DOP1B: variants seen among roughly 807,000 people sequenced by gnomAD.
DOP1B encodes the protein protein DOP1B.
In DOP1B, 174 loss-of-function variants were observed where a neutral mutation model predicts 233.5. That is an observed-to-expected ratio of 0.75 (90% CI 0.66 to 0.85). The LOEUF (loss-of-function observed/expected upper bound fraction) is 0.85. DOP1B is among the 40% of genes least tolerant of loss of function. The pLI, the probability that DOP1B is intolerant of heterozygous loss-of-function variation, is 0.00. For synonymous variants in DOP1B, 1,190 were observed against 1,185.6 expected, an observed-to-expected ratio of 1.00 and a Z score of -0.08; for missense variants, 2,652 against 2,846.6, an observed-to-expected ratio of 0.93 and a Z score of 1.56.
rs755016540 is a variant in DOP1B at position 36,245,930 on chromosome 21, A to G, written c.3950A>G (p.Tyr1317Cys). The G allele has an allele frequency of 3.1e-6, 5 of 1,612,924 alleles. No individual in the cohort carries two copies. In the East Asian group the frequency reaches 8.9e-5, roughly 29 times the overall value. ...PHSLLLELLT[Y>C]LCLSFLRSYY... is the part of the protein sequence containing the mutation. ...TCTCTGCTCCTGGAGCTGCTCACCT[A>G]CCTCTGCCTGAGCTTCCTGCGCTCC... The change falls in exon 19 of 37, where the codon TAC (tyrosine) becomes TGC (cysteine). Residue 1317 changes from tyrosine (Y) to cysteine (C), a missense_variant. Around this residue, in one of 3 missense-constraint regions of DOP1B, gnomAD observed 2,617 missense variants for 2,794.3 expected, o/e 0.94. Transcript: ENST00000691173. This position sits in a 1 kb window ranked among gnomAD's most constrained non-coding sequence, Gnocchi z 5.5.
chr21:36,174,871 C>T (rs1260914449), intron 2 of DOP1B, among the ~76,000 whole-genome samples: 1 of 152,198 alleles, frequency 6.6e-6, no homozygotes, highest in Admixed American at 6.5e-5. Context: ...TCACATAAAT[C>T]CTCTTCAGCC....
intron 2 of DOP1B, among the ~76,000 whole-genome samples, chr21:36,196,163 T>C (rs920478913): frequency 4.6e-5 from 7 of 152,152 alleles, no homozygotes; most frequent in African/African-American, 9.7e-5. Context: ...AGTCTTAGAG[T>C]ATAATGAGCA....
In DOP1B at chr21:36,247,068, C is replaced by T. The variant is rs1021174960; in HGVS notation, c.4697+391C>T. Among the ~76,000 whole-genome samples the T allele has an allele frequency of 3.3e-5, 5 of 152,114 alleles. No homozygotes were observed. In the East Asian group the frequency reaches 7.8e-4, roughly 24 times the overall value. Reference sequence around the variant, plus strand: ...CTAATTTTTTGTATTTTAGTAGACACGGGGTTTCACCGTGTTGCCCATGCT... The same window carrying T: ...CTAATTTTTTGTATTTTAGTAGACATGGGGTTTCACCGTGTTGCCCATGCT... On this transcript the variant is annotated intron_variant, in intron 19 of 36. Coordinates refer to ENST00000691173, the MANE Select transcript of DOP1B (RefSeq NM_001320714.2).
At chr21:36,186,400 T>C (rs758295742) in intron 2 of DOP1B, among the ~76,000 whole-genome samples, 75 of 151,926 alleles carry the variant, frequency 4.9e-4, no homozygotes, top group Non-Finnish European at 1.0e-3. Flanking sequence ...TGTGTGTACA[T>C]GTATGCATGT....
intron 32 of DOP1B, among the ~76,000 whole-genome samples, chr21:36,284,268 T>TC (rs56731856): frequency 0.038 from 4,475 of 116,850 alleles, 133 homozygotes; most frequent in East Asian, 0.25. Context: ...CTTCTTTCTT[T>TC]TTTTTTTTTT....
intron 2 of DOP1B, among the ~76,000 whole-genome samples, chr21:36,195,620 T>C (rs2066282535): frequency 6.6e-6 from 1 of 152,226 alleles, no homozygotes; most frequent in Non-Finnish European, 1.5e-5. Flanking sequence ...TTCTGGGCTA[T>C]GTGTCTTTTT....
rs186742595 is a variant in DOP1B at position 36,227,165 on chromosome 21, A to G, written c.1474-521A>G. Among the ~76,000 whole-genome samples the G allele has an allele frequency of 5.4e-3, 806 of 148,778 alleles. 27 individuals are homozygous for G. In the East Asian group the frequency reaches 0.092, roughly 17 times the overall value. ...AGAGCTTGCAGTGAGCCGAGATCACACCACTGCACTCCAGCCTGGGTGACA... is the reference window on the plus strand; with the variant it reads ...AGAGCTTGCAGTGAGCCGAGATCACGCCACTGCACTCCAGCCTGGGTGACA... On this transcript the variant is annotated intron_variant, in intron 12 of 36. Transcript: ENST00000691173.
intron 4 of DOP1B, among the ~76,000 whole-genome samples, chr21:36,200,782 G>A (rs575432973): frequency 7.2e-5 from 11 of 151,910 alleles, no homozygotes; most frequent in African/African-American, 2.4e-4. Context: ...GGCGGAGCTT[G>A]CAGTGAGCCG....
intron 2 of DOP1B, among the ~76,000 whole-genome samples, chr21:36,179,261 A>G (rs1340387388): frequency 1.3e-5 from 2 of 152,218 alleles, no homozygotes; most frequent in Non-Finnish European, 2.9e-5. Flanking sequence ...TAATTTTTTA[A>G]GAAGCTGCCA....
intron 2 of DOP1B, among the ~76,000 whole-genome samples, chr21:36,168,338 CTTT>C (rs1468727552): frequency 2.6e-5 from 4 of 152,150 alleles, no homozygotes; most frequent in African/African-American, 7.2e-5. Context: ...CATTTGCAAG[CTTT>C]TGTTTGAACC....
chr21:36,169,290 G>T, intron 2 of DOP1B: 1 of 803,240 alleles, frequency 1.2e-6, no homozygotes. Context: ...TTCTTGATCG[G>T]TTTGCTGTCC....
rs569604388 is a variant in DOP1B, at chr21:36,247,568, A to G, written c.4749A>G (p.Leu1583=). The G allele has an allele frequency of 3.0e-5, 48 of 1,611,252 alleles. No homozygotes were observed. In the Admixed American group the frequency reaches 5.1e-4, roughly 17 times the overall value. Residue 1583 remains leucine, a synonymous_variant, in exon 20 of 37, where the codon CTA becomes CTG. Transcript: ENST00000691173. ...CTCCAGATTATCCACTCACCCTTCT[A>G]GAAGGTCTAACGACCATTAGTCATT... ...NISPDYPLTL[L]EGLTTISHFC...
At chr21:36,251,586 A>T (rs1018983271) in intron 22 of DOP1B, among the ~76,000 whole-genome samples, 1 of 151,960 alleles carries the variant, frequency 6.6e-6, no homozygotes, top group African/African-American at 2.4e-5. Flanking sequence ...CACCCGGCTA[A>T]TTTTTGTATT....
intron 18 of DOP1B, among the ~76,000 whole-genome samples, chr21:36,241,218 C>T (rs867922399): frequency 6.6e-5 from 10 of 151,754 alleles, no homozygotes; most frequent in South Asian, 2.1e-4. Context: ...GGCATGAACC[C>T]AGGAGGCAGA....
At chr21:36,192,836 C>A (rs928635592) in intron 2 of DOP1B, among the ~76,000 whole-genome samples, 1 of 151,130 alleles carries the variant, frequency 6.6e-6, no homozygotes, top group Non-Finnish European at 1.5e-5. Context: ...TACAGGCGCC[C>A]GCCACCACGC....
chr21:36,225,613 C>G lies in DOP1B; in HGVS notation c.1419C>G (p.Pro473=), dbSNP rs199879429. 5.6e-6 allele frequency: 9 copies of G among 1,614,164 alleles called. No homozygotes were observed. Among genetic ancestry groups the G allele is most frequent in the Admixed American group, 3.3e-5 (2 of 60,008 alleles). The change falls in exon 12 of 37, where the codon CCC becomes CCG. Residue 473 remains proline, a synonymous_variant. Coordinates refer to ENST00000691173, the MANE Select transcript of DOP1B (RefSeq NM_001320714.2). ...YSVRNSVSPP[P]TVSELCALLV... ...TGAGGAACAGCGTCAGCCCTCCCCC[C>G]ACGGTCTCGGAGCTCTGCGCCCTCC...
chr21:36,242,143 T>C (rs2066899002), intron 18 of DOP1B, among the ~76,000 whole-genome samples: 1 of 121,532 alleles, frequency 8.2e-6, no homozygotes, highest in African/African-American at 3.2e-5. Flanking sequence ...TCTCCACAGT[T>C]CCTTGGGCAT....
In DOP1B at chr21:36,212,531, A is replaced by C. The variant is rs368799376; in HGVS notation, c.904+434A>C. On this transcript the variant is annotated intron_variant, in intron 7 of 36. Transcript: ENST00000691173. ...AAATGTTTTGGGAGACATTTGGATA[A>C]CTTTGGAGATCACGAGAGCCCCTGG... is the stretch of plus-strand genomic sequence containing the variant. Among the ~76,000 whole-genome samples, 5 of 152,294 alleles carry C rather than the reference A, an allele frequency of 3.3e-5. No homozygotes were observed. In the East Asian group the frequency reaches 9.6e-4, roughly 29 times the overall value.
chr21:36,268,943 C>T (rs924940144), intron 26 of DOP1B, among the ~76,000 whole-genome samples: 2 of 151,794 alleles, frequency 1.3e-5, no homozygotes, highest in African/African-American at 2.4e-5. Flanking sequence ...GCTGGGATTA[C>T]AGGCGTGAGC....
Sources: allele counts gnomAD v4.1 joint callset (sites outside exome capture counted in the v4.1 genomes callset), GRCh38; gene constraint gnomAD v4.1.1; regional missense constraint gnomAD v4.1.1; non-coding constraint Gnocchi (gnomAD v3.1); transcripts MANE v1.5; gene names NCBI Gene and HGNC (gene_info 2026-07-23, HGNC 2026-07-21).